ROBO2: variants seen among roughly 807,000 people sequenced by gnomAD.
The protein encoded by ROBO2 is roundabout homolog 2.
In ROBO2, 53 loss-of-function variants were observed where a neutral mutation model predicts 160.8. The observed-to-expected ratio is 0.33, with a 90% confidence interval of 0.26 to 0.41. ROBO2 has a LOEUF of 0.41. Ranked by LOEUF, ROBO2 falls within the 10% of genes least tolerant of loss-of-function variation. The pLI is 1.00. For missense variants in ROBO2, 1,577 were observed against 1,722.4 expected, an observed-to-expected ratio of 0.92 and a Z score of 1.49; for synonymous variants, 664 against 611.7, an observed-to-expected ratio of 1.09 and a Z score of -1.26.
chr3:77,609,540 G>T (rs1407488813), intron 21 of ROBO2, among the ~76,000 whole-genome samples: 1 of 151,220 alleles, frequency 6.6e-6, no homozygotes, highest in Admixed American at 6.6e-5. Context: ...AATTTGGAGG[G>T]TTTTTTTTCC....
chr3:76,082,958 T>C (rs1272470871), intron 2 of ROBO2, among the ~76,000 whole-genome samples: 1 of 152,136 alleles, frequency 6.6e-6, no homozygotes, highest in Non-Finnish European at 1.5e-5. Context: ...AAGAAGCTTT[T>C]CTAAATTAAA....
intron 2 of ROBO2, among the ~76,000 whole-genome samples, chr3:76,700,384 C>G (rs975882201): frequency 4.6e-5 from 7 of 152,034 alleles, no homozygotes; most frequent in Non-Finnish European, 7.4e-5. Flanking sequence ...TCTTTGACCA[C>G]AAATGTTTTT....
chr3:77,576,789 A>C (rs1270997946), intron 14 of ROBO2, among the ~76,000 whole-genome samples: 1 of 152,122 alleles, frequency 6.6e-6, no homozygotes, highest in African/African-American at 2.4e-5. Flanking sequence ...ATATAATATA[A>C]GTTTTCAATC....
intron 1 of ROBO2, among the ~76,000 whole-genome samples, chr3:77,082,080 T>C (rs2068724871): frequency 6.6e-6 from 1 of 152,140 alleles, no homozygotes; most frequent in Non-Finnish European, 1.5e-5. Flanking sequence ...TATAACTTGG[T>C]CATAATAAGA....
At chr3:75,939,287 T>C (rs1320962603) in intron 2 of ROBO2, among the ~76,000 whole-genome samples, 2 of 152,180 alleles carry the variant, frequency 1.3e-5, no homozygotes, top group Admixed American at 1.3e-4. Context: ...CTGACCATCA[T>C]TTCCAGTAAT....
At chr3:77,370,955 C>A (rs919487187) in intron 2 of ROBO2, among the ~76,000 whole-genome samples, 1 of 152,228 alleles carries the variant, frequency 6.6e-6, no homozygotes, top group Non-Finnish European at 1.5e-5. Flanking sequence ...AAAGCTCTGA[C>A]GTCTTTGCAG....
chr3:77,389,217 T>A (rs548055053), intron 2 of ROBO2, among the ~76,000 whole-genome samples: 13 of 152,346 alleles, frequency 8.5e-5, no homozygotes, highest in Admixed American at 2.0e-4. Context: ...GTGCTGGGAT[T>A]ACACGTGTGA....
At chr3:76,601,577 G>A (rs1456425438) in intron 2 of ROBO2, among the ~76,000 whole-genome samples, 3 of 152,160 alleles carry the variant, frequency 2.0e-5, no homozygotes, top group Non-Finnish European at 4.4e-5. Flanking sequence ...CTGTACCTTG[G>A]CCCCTTTTAG....
chr3:76,256,347 C>CA (rs1484693216), intron 2 of ROBO2, among the ~76,000 whole-genome samples: 2,224 of 88,186 alleles, frequency 0.025, 33 homozygotes, highest in Non-Finnish European at 0.043. Context: ...CTCTCTCTCT[C>CA]TCTCTCACAT....
chr3:76,614,570 G>A (rs1182409032), intron 2 of ROBO2, among the ~76,000 whole-genome samples: 1 of 151,906 alleles, frequency 6.6e-6, no homozygotes, highest in African/African-American at 2.4e-5. Flanking sequence ...CACTCTTTCT[G>A]CACTGGAAGT....
At chr3:76,299,415 T>C (rs139492819) in intron 2 of ROBO2, among the ~76,000 whole-genome samples, 5,964 of 152,220 alleles carry the variant, frequency 0.039, 335 homozygotes, top group African/African-American at 0.12. Context: ...TAACACTGTC[T>C]GGGTTTTTAG....
At chr3:77,365,486 C>A (rs950928076) in intron 2 of ROBO2, among the ~76,000 whole-genome samples, 30 of 152,084 alleles carry the variant, frequency 2.0e-4, no homozygotes, top group African/African-American at 6.3e-4. Flanking sequence ...TTACACCAGT[C>A]TGGTAGATTA....
chr3:76,500,492 C>T (rs1209321430), intron 2 of ROBO2, among the ~76,000 whole-genome samples: 1 of 152,170 alleles, frequency 6.6e-6, no homozygotes, highest in Non-Finnish European at 1.5e-5. Flanking sequence ...CCTGAAGTGC[C>T]TAACTACCCT....
In ROBO2 at chr3:76,834,066, C is replaced by T. The variant is rs1319209791; in HGVS notation, c.110-263948C>T. Reference sequence around the variant, plus strand: ...TTTCTTTCTCTCCTTTCTTTCTTTTCTTTCTTTCTTTCTTTCTTTCTTTCT... The same window carrying T: ...TTTCTTTCTCTCCTTTCTTTCTTTTTTTTCTTTCTTTCTTTCTTTCTTTCT... On this transcript the variant is annotated intron_variant, in intron 2 of 26. Transcript: ENST00000487694. Among the ~76,000 whole-genome samples the T allele has an allele frequency of 2.0e-3, 151 of 74,690 alleles. 1 individual carries two copies. The highest frequency in any genetic ancestry group is 6.9e-3 in the African/African-American group (131 of 18,998). 49.0% of individuals were successfully genotyped at this position (74,690 alleles called of 152,430 possible).
At chr3:77,108,405 T>C (rs1219484824) in intron 2 of ROBO2, among the ~76,000 whole-genome samples, 2 of 152,066 alleles carry the variant, frequency 1.3e-5, no homozygotes, top group Admixed American at 1.3e-4. Context: ...CTGGAACTCC[T>C]GGCCCTATGT....
intron 2 of ROBO2, among the ~76,000 whole-genome samples, chr3:76,491,351 G>A (rs931926981): frequency 2.6e-5 from 4 of 152,100 alleles, no homozygotes; most frequent in Non-Finnish European, 5.9e-5. Context: ...CTCTCATCTT[G>A]TAAATTAATA....
chr3:76,035,533 A>G (rs1367770024), intron 2 of ROBO2, among the ~76,000 whole-genome samples: 2 of 152,012 alleles, frequency 1.3e-5, no homozygotes, highest in South Asian at 2.1e-4. Flanking sequence ...CCTCTATGCC[A>G]TAAAATAACC....
chr3:76,205,114 A>G (rs943668993), intron 2 of ROBO2, among the ~76,000 whole-genome samples: 5 of 152,226 alleles, frequency 3.3e-5, no homozygotes, highest in Admixed American at 3.3e-4. Context: ...CTACTTACCA[A>G]CTCATGAAAT....
intron 2 of ROBO2, among the ~76,000 whole-genome samples, chr3:76,199,358 T>A (rs2107238021): frequency 6.6e-6 from 1 of 152,058 alleles, no homozygotes; most frequent in African/African-American, 2.4e-5. Context: ...GGTACCTTGG[T>A]CCTACAACCT....
Sources: allele counts gnomAD v4.1 joint callset (sites outside exome capture counted in the v4.1 genomes callset), GRCh38; gene constraint gnomAD v4.1.1; transcripts MANE v1.5; gene names NCBI Gene and HGNC (gene_info 2026-07-23, HGNC 2026-07-21).